TANK: variants seen among roughly 807,000 people sequenced by gnomAD.
TANK encodes TRAF family member-associated NF-kappa-B activator.
A neutral mutation model predicts 43.6 loss-of-function variants in TANK; 15 were observed. The observed-to-expected ratio is 0.34, with a 90% CI of 0.23 to 0.53. TANK has a LOEUF of 0.53. TANK is among the 20% of genes least tolerant of loss of function. The pLI, the probability that TANK is intolerant of heterozygous loss-of-function variation, is 0.94. For synonymous variants in TANK, 162 were observed against 178.2 expected, an observed-to-expected ratio of 0.91 and a Z score of 0.73; for missense variants, 417 against 498.6, an observed-to-expected ratio of 0.84 and a Z score of 1.56.
chr2:161,166,755 GCTGCAC>G, intron 1 of TANK, among the ~76,000 whole-genome samples: 1 of 151,912 alleles, frequency 6.6e-6, no homozygotes, highest in African/African-American at 2.4e-5. Flanking sequence ...CGCCACACTT[GCTGCAC>G]TCTACCCTTG....
chr2:161,153,636 C>T (rs1684139147), intron 1 of TANK, among the ~76,000 whole-genome samples: 1 of 134,262 alleles, frequency 7.4e-6, no homozygotes, highest in Non-Finnish European at 1.5e-5. Context: ...TGCAATGAGC[C>T]AAGATCCTGC....
chr2:161,208,481 T>C (rs1686743842), intron 4 of TANK, among the ~76,000 whole-genome samples: 4 of 152,118 alleles, frequency 2.6e-5, no homozygotes, highest in African/African-American at 9.7e-5. Flanking sequence ...CCACAGTAAT[T>C]TGCACAGTCC....
chr2:161,209,137 G>A (rs971841481), intron 4 of TANK, among the ~76,000 whole-genome samples: 7 of 152,152 alleles, frequency 4.6e-5, no homozygotes, highest in African/African-American at 9.7e-5. Context: ...AAATATCATA[G>A]CCTGTCATCT....
At position 161,223,923 on chromosome 2, in the gene TANK, A is replaced by G. The variant is rs1687478025; in HGVS notation, c.336A>G (p.Arg112=). Residue 112 remains arginine, a synonymous_variant, in exon 5 of 8, where the codon AGA becomes AGG. Transcript: ENST00000392749. ...IAREKLPKVR[R]QEVSSPRKET... ...CATTTTGTATGTTTAAGGTAAGAAG[A>G]CAAGAGGTTTCTTCTCCTAGAAAAG... 6.3e-7 allele frequency: 1 copy of G among 1,599,894 alleles called. No individual in the cohort carries two copies. The highest frequency in any genetic ancestry group is 1.3e-5 in the African/African-American group (1 of 74,696).
At chr2:161,191,291 T>A (rs1021106639) in intron 2 of TANK, among the ~76,000 whole-genome samples, 3 of 152,208 alleles carry the variant, frequency 2.0e-5, no homozygotes, top group South Asian at 2.1e-4. Context: ...TTATTTTTTT[T>A]AAAGTAAACA....
intron 4 of TANK, chr2:161,211,835 T>C: frequency 1.0e-6 from 1 of 985,324 alleles, no homozygotes; most frequent in Admixed American, 6.1e-5. Context: ...CCTCAGGTAC[T>C]CCTTGCCTTG....
chr2:161,233,741 G>T (rs1383199720), intron 7 of TANK, among the ~76,000 whole-genome samples: 2 of 151,880 alleles, frequency 1.3e-5, no homozygotes, highest in African/African-American at 4.8e-5. Context: ...AAATTTAGAA[G>T]CTAAATTGCT....
At chr2:161,159,726 C>T (rs1173231018), upstream of TANK, among the ~76,000 whole-genome samples, 1 of 152,168 alleles carries the variant, frequency 6.6e-6, no homozygotes, top group Non-Finnish European at 1.5e-5. Context: ...AGATATCTTT[C>T]TTGCGGTATC....
intron 7 of TANK, chr2:161,232,590 T>G: frequency 1.1e-6 from 1 of 927,026 alleles, no homozygotes; most frequent in Non-Finnish European, 1.5e-6. Context: ...CACATCATAG[T>G]CTCAGTTATA....
intron 4 of TANK, among the ~76,000 whole-genome samples, chr2:161,221,044 G>A (rs1433892481): frequency 1.3e-5 from 2 of 152,032 alleles, no homozygotes; most frequent in Admixed American, 6.5e-5. Context: ...AATTCACATA[G>A]GAAATTTAAG....
At chr2:161,217,755 G>A (rs1254880838) in intron 4 of TANK, among the ~76,000 whole-genome samples, 1 of 152,006 alleles carries the variant, frequency 6.6e-6, no homozygotes, top group African/African-American at 2.4e-5. Context: ...TGGTCAGGAT[G>A]TGGTCCAAAA....
chr2:161,191,840 C>G (rs917108094), intron 2 of TANK, among the ~76,000 whole-genome samples: 3 of 152,112 alleles, frequency 2.0e-5, no homozygotes, highest in Non-Finnish European at 2.9e-5. Context: ...GTTGCCCAGG[C>G]TGGAGTGCAG....
chr2:161,138,400 T>C (rs1224844498), intron 1 of TANK, among the ~76,000 whole-genome samples: 1 of 152,210 alleles, frequency 6.6e-6, no homozygotes, highest in South Asian at 2.1e-4. Context: ...ATTCTTATAA[T>C]GTTAAAATAA....
chr2:161,212,063 C>T (rs1435260120), intron 4 of TANK: 2 of 648,810 alleles, frequency 3.1e-6, no homozygotes, highest in African/African-American at 2.1e-5. Context: ...AATACATAAA[C>T]TTTTTTTTTT....
chr2:161,219,593 C>T, intron 4 of TANK: 3 of 242,682 alleles, frequency 1.2e-5, no homozygotes, highest in Non-Finnish European at 2.6e-5. Flanking sequence ...ATCTTTTATC[C>T]TCAAACTTTT....
At chr2:161,211,819 G>A in intron 4 of TANK, 1 of 985,424 alleles carries the variant, frequency 1.0e-6, no homozygotes. Flanking sequence ...GTGTTTGTGT[G>A]TAGTACCTCA....
chr2:161,177,737 G>A (rs752297540), intron 1 of TANK, among the ~76,000 whole-genome samples: 1 of 152,010 alleles, frequency 6.6e-6, no homozygotes, highest in Non-Finnish European at 1.5e-5. Context: ...AAGTGAAAAG[G>A]CATCTACAGA....
Position 161,235,323 on chromosome 2 carries a change from TTTTG to T in TANK, c.1102-11_1102-8del. ...GAATTTAAACATAAGTAACAGATAT[TTTTG>T]TTTGTTTCCTGCAGCCCATTTGGAA... On this transcript the variant is annotated splice_polypyrimidine_tract_variant and intron_variant, in intron 7 of 7. Coordinates refer to ENST00000392749, the MANE Select transcript of TANK (RefSeq NM_001199135.3). The T allele has an allele frequency of 1.3e-6, 2 of 1,575,042 alleles. No homozygotes were observed. Among genetic ancestry groups the T allele is most frequent in the Non-Finnish European group, 1.7e-6 (2 of 1,160,708 alleles).
chr2:161,185,896 A>G (rs1685640765), intron 2 of TANK, among the ~76,000 whole-genome samples: 1 of 152,190 alleles, frequency 6.6e-6, no homozygotes, highest in South Asian at 2.1e-4. Context: ...CCTTTTTACA[A>G]TCACATTACA....
Sources: gnomAD v4.1 joint callset for allele counts (sites outside exome capture counted in the v4.1 genomes callset) on GRCh38, gnomAD v4.1.1 for gene constraint, MANE v1.5 for transcripts, NCBI Gene and HGNC (gene_info 2026-07-23, HGNC 2026-07-21) for gene names.